The following CBFB variants were observed in gnomAD, a reference collection of about 807,000 sequenced individuals.
CBFB encodes core-binding factor subunit beta.
In CBFB, 9 loss-of-function variants were observed where a neutral mutation model predicts 30.4. That is an observed-to-expected ratio of 0.30 (90% CI 0.18 to 0.52). The LOEUF (loss-of-function observed/expected upper bound fraction) is 0.52. Ranked by LOEUF, CBFB falls within the 20% of genes least tolerant of loss-of-function variation. CBFB has a pLI of 0.97. For missense variants in CBFB, 170 were observed against 244.0 expected (o/e 0.70, Z 2.02); for synonymous variants, 94 against 84.0 (o/e 1.12, Z -0.65).
rs376821989 is a variant in CBFB at position 67,048,298 on chromosome 16, A to G, written c.282+11543A>G. Among the ~76,000 whole-genome samples, 154 of 152,144 alleles carry G rather than the reference A, an allele frequency of 1.0e-3. 1 individual carries two copies. The highest frequency in any genetic ancestry group is 3.7e-3 in the South Asian group (18 of 4,818). On this transcript the variant is annotated intron_variant, in intron 3 of 5. Coordinates refer to ENST00000412916, the MANE Select transcript of CBFB (RefSeq NM_022845.3). Reference sequence around the variant, plus strand: ...AACATTTTTTATTTTCCTTAAATGTATTGGCCAAGGTTAAAATATCCATCC... The same window carrying G: ...AACATTTTTTATTTTCCTTAAATGTGTTGGCCAAGGTTAAAATATCCATCC...
At chr16:67,047,848 C>T (rs941273368) in intron 3 of CBFB, among the ~76,000 whole-genome samples, 1 of 152,000 alleles carries the variant, frequency 6.6e-6, no homozygotes, top group Non-Finnish European at 1.5e-5. Flanking sequence ...GCGGGTGGAT[C>T]GCCTGGGGTT....
chr16:67,055,608 G>T (rs752858349), intron 3 of CBFB, among the ~76,000 whole-genome samples: 17 of 151,574 alleles, frequency 1.1e-4, no homozygotes, highest in South Asian at 2.1e-4. Context: ...CATCTGCCTC[G>T]GCCTCCCAAA....
At chr16:67,037,064 A>C (rs1198881823) in intron 3 of CBFB, among the ~76,000 whole-genome samples, 1 of 151,926 alleles carries the variant, frequency 6.6e-6, no homozygotes, top group African/African-American at 2.4e-5. Flanking sequence ...ACATCTGACT[A>C]ATTTTTGTAT....
intron 4 of CBFB, among the ~76,000 whole-genome samples, chr16:67,074,480 T>G (rs957499950): frequency 6.6e-6 from 1 of 151,712 alleles, no homozygotes; most frequent in Non-Finnish European, 1.5e-5. Flanking sequence ...CCTCCCGGGT[T>G]CAAGTGATTC....
chr16:67,081,876 A>C (rs894414130), intron 4 of CBFB, among the ~76,000 whole-genome samples: 2 of 147,590 alleles, frequency 1.4e-5, no homozygotes, highest in African/African-American at 5.0e-5. Flanking sequence ...GCTGGAGTGC[A>C]ATGGCGCAAT....
intron 3 of CBFB, among the ~76,000 whole-genome samples, chr16:67,046,924 C>T (rs1005551407): frequency 6.6e-6 from 1 of 152,038 alleles, no homozygotes; most frequent in African/African-American, 2.4e-5. Flanking sequence ...AAAGTATGCA[C>T]GTGAACAGTT....
At chr16:67,084,595 C>T (rs1412962609) in intron 5 of CBFB, among the ~76,000 whole-genome samples, 1 of 152,096 alleles carries the variant, frequency 6.6e-6, no homozygotes, top group African/African-American at 2.4e-5. Context: ...CTTAACACTA[C>T]TGAGTGTATG....
In CBFB at chr16:67,066,801, A is replaced by G. The variant is rs1567615792; in HGVS notation, c.399+3A>G. 3 of 1,546,972 alleles carry G rather than the reference A, an allele frequency of 1.9e-6. No individual in the cohort carries two copies. The highest frequency in any genetic ancestry group is 1.4e-5 in the African/African-American group (1 of 73,568). On this transcript the variant is annotated splice_donor_region_variant and intron_variant, in intron 4 of 5. Coordinates refer to ENST00000412916, the MANE Select transcript of CBFB (RefSeq NM_022845.3). ...AGTTTGATGAGGAGCGAGCCCAGGT[A>G]GGGTAACATCAGGCTTTATTGAGCA...
intron 4 of CBFB, among the ~76,000 whole-genome samples, chr16:67,079,379 C>T (rs1200209860): frequency 6.6e-6 from 1 of 152,014 alleles, no homozygotes; most frequent in Non-Finnish European, 1.5e-5. Context: ...GACATTGTCA[C>T]TGAAAATTTT....
At chr16:67,069,851 C>T (rs187880479) in intron 4 of CBFB, among the ~76,000 whole-genome samples, 1 of 152,188 alleles carries the variant, frequency 6.6e-6, no homozygotes, top group African/African-American at 2.4e-5. Context: ...AGATTGGGTG[C>T]AGTGGCTCAC....
At chr16:67,043,464 A>G (rs962136959) in intron 3 of CBFB, among the ~76,000 whole-genome samples, 1 of 152,240 alleles carries the variant, frequency 6.6e-6, no homozygotes, top group African/African-American at 2.4e-5. Flanking sequence ...TTATAAGTAT[A>G]TACCTTACAT....
At position 67,029,500 on chromosome 16, in the gene CBFB, C is replaced by G. The variant is rs375523152; in HGVS notation, c.78+15C>G. The G allele has an allele frequency of 1.9e-6, 3 of 1,579,342 alleles. No homozygotes were observed. In the South Asian group the frequency reaches 3.5e-5, roughly 18 times the overall value. ...GCGAGTGTGAGGTGAGGCAGGCGGGCGGGCGGCTAGGAGGCCGCAGCGCGC... is the reference window on the plus strand; with the variant it reads ...GCGAGTGTGAGGTGAGGCAGGCGGGGGGGCGGCTAGGAGGCCGCAGCGCGC... On this transcript the variant is annotated intron_variant, in intron 1 of 5. Transcript: ENST00000412916.
chr16:67,076,205 G>GA (rs150873255), intron 4 of CBFB, among the ~76,000 whole-genome samples: 27,025 of 151,916 alleles, frequency 0.18, 4,387 homozygotes, highest in African/African-American at 0.44. Context: ...ACTCCAGCCT[G>GA]GTGACAGAGC....
At chr16:67,034,264 C>G (rs1190065700) in intron 2 of CBFB, among the ~76,000 whole-genome samples, 1 of 152,142 alleles carries the variant, frequency 6.6e-6, no homozygotes, top group African/African-American at 2.4e-5. Context: ...ATTTCTAATT[C>G]TAAAGATTGA....
intron 3 of CBFB, among the ~76,000 whole-genome samples, chr16:67,065,659 T>G (rs908726124): frequency 4.6e-5 from 7 of 152,238 alleles, no homozygotes; most frequent in Non-Finnish European, 1.0e-4. Flanking sequence ...ATAACAGGCA[T>G]TAGCCACTGG....
chr16:67,052,456 G>A (rs1287968778), intron 3 of CBFB, among the ~76,000 whole-genome samples: 1 of 151,842 alleles, frequency 6.6e-6, no homozygotes, highest in East Asian at 1.9e-4. Flanking sequence ...TGTGCCTGTA[G>A]TCCTAGCTCC....
intron 3 of CBFB, among the ~76,000 whole-genome samples, chr16:67,041,563 C>T (rs1966530629): frequency 6.6e-6 from 1 of 151,940 alleles, no homozygotes; most frequent in African/African-American, 2.4e-5. Flanking sequence ...GATCGTGCCA[C>T]TGCACTCCAG....
At chr16:67,051,405 GTA>G (rs1966736816) in intron 3 of CBFB, among the ~76,000 whole-genome samples, 1 of 151,720 alleles carries the variant, frequency 6.6e-6, no homozygotes, top group Non-Finnish European at 1.5e-5. Context: ...GATCCAAAAT[GTA>G]ATATATATAT....
At chr16:67,053,171 A>C (rs916069316) in intron 3 of CBFB, among the ~76,000 whole-genome samples, 1 of 150,666 alleles carries the variant, frequency 6.6e-6, no homozygotes, top group African/African-American at 2.4e-5. Context: ...CGCATTGTTT[A>C]GTTTTTAAAA....
Sources: allele counts gnomAD v4.1 joint callset (sites outside exome capture counted in the v4.1 genomes callset), GRCh38; gene constraint gnomAD v4.1.1; transcripts MANE v1.5; gene names NCBI Gene and HGNC (gene_info 2026-07-23, HGNC 2026-07-21).